Variants in NRXN1 observed in about 807,000 individuals in gnomAD.
NRXN1 encodes neurexin 1.
A neutral mutation model predicts 150.9 loss-of-function variants in NRXN1; 39 were observed. The ratio of observed to expected loss-of-function variants is 0.26; its 90% confidence interval spans 0.20 to 0.34. The LOEUF (loss-of-function observed/expected upper bound fraction) is 0.34, where lower values mean the gene tolerates loss of function less well. Ranked by LOEUF, NRXN1 falls within the 10% of genes least tolerant of loss-of-function variation. NRXN1 has a pLI of 1.00. For synonymous variants in NRXN1, 924 were observed against 757.0 expected, an observed-to-expected ratio of 1.22 and a Z score of -3.62; for missense variants, 1,815 against 1,949.9, an observed-to-expected ratio of 0.93 and a Z score of 1.30.
chr2:50,833,325 T>C (rs1029816077), intron 5 of NRXN1, among the ~76,000 whole-genome samples: 16 of 152,200 alleles, frequency 1.1e-4, no homozygotes, highest in Admixed American at 7.8e-4. Context: ...GATTCTACTT[T>C]TAGATGTTTA....
intron 2 of NRXN1, among the ~76,000 whole-genome samples, chr2:50,940,475 A>C (rs974446874): frequency 2.1e-5 from 3 of 145,428 alleles, no homozygotes; most frequent in African/African-American, 7.7e-5. Context: ...CTCCATCTCA[A>C]AAAAAAAAAA....
intron 5 of NRXN1, among the ~76,000 whole-genome samples, chr2:50,801,776 G>A (rs1230321555): frequency 6.6e-6 from 1 of 152,046 alleles, no homozygotes; most frequent in Non-Finnish European, 1.5e-5. Flanking sequence ...GCACAGATTT[G>A]GTAAAGCAGT....
chr2:51,018,511 T>C (rs1289641562), intron 2 of NRXN1, among the ~76,000 whole-genome samples: 1 of 152,058 alleles, frequency 6.6e-6, no homozygotes, highest in East Asian at 1.9e-4. Context: ...TTTCCAACTC[T>C]AAGAACCACT....
chr2:50,706,903 CCTT>C (rs1208477247), intron 5 of NRXN1, among the ~76,000 whole-genome samples: 1 of 151,524 alleles, frequency 6.6e-6, no homozygotes, highest in East Asian at 1.9e-4. Context: ...TAACATAAAG[CCTT>C]CTAGTTTTCC....
intron 17 of NRXN1, among the ~76,000 whole-genome samples, chr2:50,373,850 T>A (rs2080287873): frequency 6.6e-6 from 1 of 152,008 alleles, no homozygotes; most frequent in Non-Finnish European, 1.5e-5. Context: ...CAAAGTTATT[T>A]GTGATTATTA....
At chr2:50,652,531 C>T (rs933261531) in intron 5 of NRXN1, among the ~76,000 whole-genome samples, 1 of 152,044 alleles carries the variant, frequency 6.6e-6, no homozygotes, top group Non-Finnish European at 1.5e-5. Flanking sequence ...TAGCATATAG[C>T]ATGTGGAACA....
intron 18 of NRXN1, among the ~76,000 whole-genome samples, chr2:50,173,626 A>C (rs150509771): frequency 3.0e-4 from 46 of 152,326 alleles, no homozygotes; most frequent in Non-Finnish European, 5.3e-4. Flanking sequence ...ACACATCTAC[A>C]TGCATAACGA....
chr2:49,932,249 T>C (rs1670256735), intron 22 of NRXN1, among the ~76,000 whole-genome samples: 1 of 152,012 alleles, frequency 6.6e-6, no homozygotes, highest in South Asian at 2.1e-4. Context: ...GGAGACTCTG[T>C]CTCTACAGAA....
chr2:51,009,940 T>A (rs961045318), intron 2 of NRXN1, among the ~76,000 whole-genome samples: 30 of 151,832 alleles, frequency 2.0e-4, no homozygotes, highest in Admixed American at 1.3e-3. Flanking sequence ...AAAAAAAAAA[T>A]CCTTAGAATT....
At chr2:50,119,576 A>C (rs1195567448) in intron 18 of NRXN1, among the ~76,000 whole-genome samples, 1 of 152,060 alleles carries the variant, frequency 6.6e-6, no homozygotes, top group Non-Finnish European at 1.5e-5. Context: ...GAAAAAAAAA[A>C]AAACTATCAT....
intron 18 of NRXN1, among the ~76,000 whole-genome samples, chr2:50,106,984 A>AATCATC (rs1701732559): frequency 6.6e-6 from 1 of 151,976 alleles, no homozygotes; most frequent in Non-Finnish European, 1.5e-5. Flanking sequence ...CTGATTATGG[A>AATCATC]AGATATACGG....
intron 21 of NRXN1, among the ~76,000 whole-genome samples, chr2:49,961,611 A>G (rs1675969275): frequency 6.6e-6 from 1 of 152,210 alleles, no homozygotes; most frequent in Non-Finnish European, 1.5e-5. Context: ...ACAAAAATAG[A>G]TTAGGCCTTT....
intron 17 of NRXN1, among the ~76,000 whole-genome samples, chr2:50,314,987 T>C (rs1237958946): frequency 6.6e-6 from 1 of 152,068 alleles, no homozygotes; most frequent in African/African-American, 2.4e-5. Context: ...ATTCTGATTA[T>C]TTTTTCTTAG....
At chr2:50,516,547 A>G (rs997868282) in intron 12 of NRXN1, among the ~76,000 whole-genome samples, 1 of 152,152 alleles carries the variant, frequency 6.6e-6, no homozygotes, top group African/African-American at 2.4e-5. Flanking sequence ...AAGCTGTCTC[A>G]GGCTTGTTTT....
intron 8 of NRXN1, among the ~76,000 whole-genome samples, chr2:50,573,932 G>C (rs1671028461): frequency 6.6e-6 from 1 of 152,032 alleles, no homozygotes; most frequent in Non-Finnish European, 1.5e-5. Context: ...AGGGACCTGA[G>C]TAACTACAAA....
At chr2:50,536,337 A>C (rs1209518793) in intron 10 of NRXN1, among the ~76,000 whole-genome samples, 1 of 152,242 alleles carries the variant, frequency 6.6e-6, no homozygotes. Flanking sequence ...GCAGCCTCCT[A>C]TCAGATAAAG....
intron 17 of NRXN1, among the ~76,000 whole-genome samples, chr2:50,309,488 G>A (rs1234179881): frequency 6.6e-6 from 1 of 152,110 alleles, no homozygotes; most frequent in Non-Finnish European, 1.5e-5. Context: ...CCCTAATGCC[G>A]TTTGTGAGGA....
At chr2:50,093,253 A>G (rs1269315324) in intron 18 of NRXN1, among the ~76,000 whole-genome samples, 2 of 152,132 alleles carry the variant, frequency 1.3e-5, no homozygotes, top group Non-Finnish European at 2.9e-5. Flanking sequence ...TTTAAAAGTA[A>G]GGGTCATGAG....
chr2:50,448,292 A>G (rs1195833052), intron 17 of NRXN1, among the ~76,000 whole-genome samples: 1 of 152,174 alleles, frequency 6.6e-6, no homozygotes, highest in Non-Finnish European at 1.5e-5. Context: ...CTTTATGTGG[A>G]TTGCTTATGC....
Sources: gnomAD v4.1 joint callset for allele counts (sites outside exome capture counted in the v4.1 genomes callset) on GRCh38, gnomAD v4.1.1 for gene constraint, MANE v1.5 for transcripts, NCBI Gene and HGNC (gene_info 2026-07-23, HGNC 2026-07-21) for gene names.